Variants in LARGE1 observed in about 807,000 individuals in gnomAD.
The protein encoded by LARGE1 is xylosyl- and glucuronyltransferase LARGE1.
LARGE1 carries 43 observed loss-of-function variants against 87.6 expected under a neutral mutation model. That is an observed-to-expected ratio of 0.49 (90% CI 0.38 to 0.63). LARGE1 has a LOEUF of 0.63. Among genes scored for constraint, LARGE1 ranks in the 30% least tolerant of loss-of-function variants. The pLI, the probability that LARGE1 is intolerant of heterozygous loss-of-function variation, is 0.00. For synonymous variants in LARGE1, 434 were observed against 394.6 expected (o/e 1.10, Z -1.18); for missense variants, 802 against 1,000.2 (o/e 0.80, Z 2.67).
intron 7 of LARGE1, among the ~76,000 whole-genome samples, chr22:33,402,860 T>C (rs1256385263): frequency 2.6e-5 from 4 of 152,176 alleles, no homozygotes; most frequent in African/African-American, 9.7e-5. Flanking sequence ...AGCAGCTTAC[T>C]AGGACCCAGG....
rs1036059365 is a variant in LARGE1, at chr22:33,323,478, G to A, written c.1288-7230C>T. Among the ~76,000 whole-genome samples the A allele has an allele frequency of 1.4e-4, 21 of 152,342 alleles. 1 individual carries two copies. The highest frequency in any genetic ancestry group is 1.0e-3 in the Admixed American group (16 of 15,312). On this transcript the variant is annotated intron_variant, in intron 10 of 14. Coordinates refer to ENST00000397394, the MANE Select transcript of LARGE1 (RefSeq NM_133642.5). ...AGAAGAAGTCCAGGATGGGAATCCA[G>A]TCTTCGGACCTCAAACCAGGGACAT...
At chr22:33,616,445 T>C (rs1049254924) in intron 4 of LARGE1, among the ~76,000 whole-genome samples, 4 of 152,134 alleles carry the variant, frequency 2.6e-5, no homozygotes, top group Admixed American at 6.5e-5. Flanking sequence ...GGCAGGAGGA[T>C]TGCTTGAACC....
At chr22:33,802,937 G>A (rs2086204377) in intron 1 of LARGE1, among the ~76,000 whole-genome samples, 2 of 152,162 alleles carry the variant, frequency 1.3e-5, no homozygotes, top group African/African-American at 4.8e-5. Flanking sequence ...GTAACAAGCT[G>A]CCTGGCAAGG....
At chr22:33,561,973 G>A (rs2077876874) in intron 6 of LARGE1, among the ~76,000 whole-genome samples, 1 of 152,212 alleles carries the variant, frequency 6.6e-6, no homozygotes, top group South Asian at 2.1e-4. Context: ...AAGAGCCACT[G>A]CAGCCCCAGA....
At chr22:33,643,901 GA>G (rs1385157418) in intron 3 of LARGE1, among the ~76,000 whole-genome samples, 30 of 152,146 alleles carry the variant, frequency 2.0e-4, no homozygotes, top group Admixed American at 2.0e-3. Context: ...AACAAGTTCT[GA>G]AATTGAGGCA....
intron 6 of LARGE1, among the ~76,000 whole-genome samples, chr22:33,447,297 T>C (rs970861326): frequency 3.9e-5 from 6 of 152,202 alleles, no homozygotes; most frequent in African/African-American, 1.2e-4. Context: ...TTCTTTCTTT[T>C]AGAGATATTC....
intron 1 of LARGE1, among the ~76,000 whole-genome samples, chr22:33,919,746 G>C (rs2065889935): frequency 6.6e-6 from 1 of 152,220 alleles, no homozygotes; most frequent in Non-Finnish European, 1.5e-5. Context: ...ACTCCTCCTG[G>C]CTCGCTCCCT....
the LARGE1 span, among the ~76,000 whole-genome samples, chr22:33,088,596 G>T: frequency 6.6e-6 from 1 of 152,124 alleles, no homozygotes; most frequent in African/African-American, 2.4e-5. Context: ...TACTGGCAGA[G>T]CATGTGTAGG....
At chr22:33,503,761 T>C (rs993996743) in intron 6 of LARGE1, among the ~76,000 whole-genome samples, 4 of 151,742 alleles carry the variant, frequency 2.6e-5, no homozygotes, top group Admixed American at 2.6e-4. Context: ...ATCGCATCAC[T>C]GCACTCTAGC....
intron 8 of LARGE1, among the ~76,000 whole-genome samples, chr22:33,383,875 G>A (rs532883486): frequency 6.6e-6 from 1 of 152,328 alleles, no homozygotes; most frequent in African/African-American, 2.4e-5. Context: ...TTATGAGTCT[G>A]CGTCAGTAGA....
intron 1 of LARGE1, among the ~76,000 whole-genome samples, chr22:33,841,085 T>C (rs754960221): frequency 1.3e-5 from 2 of 152,242 alleles, no homozygotes; most frequent in Non-Finnish European, 2.9e-5. Flanking sequence ...AAAGTGAGCA[T>C]GTTTAAGGCA....
At chr22:33,294,101 T>C (rs1238351790) in intron 12 of LARGE1, among the ~76,000 whole-genome samples, 3 of 152,260 alleles carry the variant, frequency 2.0e-5, no homozygotes, top group Non-Finnish European at 4.4e-5. Context: ...TGGGACCTCT[T>C]GTGGCCCCTA....
Position 33,387,245 on chromosome 22 carries a change from C to T in LARGE1, c.893-2941G>A, listed in dbSNP as rs1021655519. ...TCCAAGACCAGCCCCGCCAACATGG[C>T]GAAACCCCACCTCTACTAAAAATAC... is the stretch of plus-strand genomic sequence containing the variant. On this transcript the variant is annotated intron_variant, in intron 7 of 14. Coordinates refer to ENST00000397394, the MANE Select transcript of LARGE1 (RefSeq NM_133642.5). Among the ~76,000 whole-genome samples, 6 of 141,446 alleles carry T rather than the reference C, an allele frequency of 4.2e-5. 1 individual carries two copies. Among genetic ancestry groups the T allele is most frequent in the South Asian group, 2.7e-4 (1 of 3,720 alleles). The allele number at this position is 141,446 out of a possible 152,430, so 92.8% of individuals were successfully genotyped here.
At chr22:33,783,737 A>G (rs1044143652) in intron 1 of LARGE1, among the ~76,000 whole-genome samples, 1 of 152,170 alleles carries the variant, frequency 6.6e-6, no homozygotes, top group Non-Finnish European at 1.5e-5. Flanking sequence ...CAACCCAGCC[A>G]AGGATATGGT....
chr22:33,199,903 G>A (rs1924288559), intron 11 of LARGE1, among the ~76,000 whole-genome samples: 1 of 151,626 alleles, frequency 6.6e-6, no homozygotes, highest in African/African-American at 2.4e-5. Flanking sequence ...AGGCTGGAGG[G>A]CAGTGGCACA....
intron 6 of LARGE1, among the ~76,000 whole-genome samples, chr22:33,483,008 C>G (rs1397176117): frequency 6.6e-6 from 1 of 152,156 alleles, no homozygotes; most frequent in Non-Finnish European, 1.5e-5. Context: ...TGGAAGCAAA[C>G]CAACCAATGT....
chr22:33,474,530 GCGCTTACCCCCTTATGCCTGGCA>G (rs1351832344), intron 6 of LARGE1, among the ~76,000 whole-genome samples: 8 of 152,236 alleles, frequency 5.3e-5, no homozygotes, highest in African/African-American at 1.9e-4. Context: ...TAGAGACATG[GCGCTTACCCCCTTATGCCTGGCA>G]CGCTTTGCAT....
intron 6 of LARGE1, among the ~76,000 whole-genome samples, chr22:33,530,461 C>CT (rs5845091): frequency 0.019 from 2,493 of 128,886 alleles, 31 homozygotes; most frequent in East Asian, 0.025. Context: ...CTTGCTGAGG[C>CT]TTTTTTTTTT....
At position 33,385,901 on chromosome 22, in the gene LARGE1, A is replaced by G. The variant is rs1423199806; in HGVS notation, c.893-1597T>C. 2.0e-5 allele frequency among the ~76,000 whole-genome samples: 3 copies of G among 148,906 alleles called. 1 individual carries two copies. The highest frequency in any genetic ancestry group is 7.3e-5 in the African/African-American group (3 of 40,950). ...GCACCTGCATTTCCAAGACTCTAGG[A>G]AAGAAACTGATTTCCCCAAATCACA... On this transcript the variant is annotated intron_variant, in intron 7 of 14. Coordinates refer to ENST00000397394, the MANE Select transcript of LARGE1 (RefSeq NM_133642.5).
Sources: allele counts gnomAD v4.1 joint callset (sites outside exome capture counted in the v4.1 genomes callset), GRCh38; gene constraint gnomAD v4.1.1; transcripts MANE v1.5; gene names NCBI Gene and HGNC (gene_info 2026-07-23, HGNC 2026-07-21).